ST7: variants seen among roughly 807,000 people sequenced by gnomAD.
The protein encoded by ST7 is suppression of tumorigenicity 7, also known as suppressor of tumorigenicity 7 protein.
A neutral mutation model predicts 78.7 loss-of-function variants in ST7; 28 were observed. That is an observed-to-expected ratio of 0.36 (90% CI 0.26 to 0.49). The LOEUF (loss-of-function observed/expected upper bound fraction) is 0.49. ST7 is among the 20% of genes least tolerant of loss of function. The pLI is 0.99. For synonymous variants in ST7, 247 were observed against 249.6 expected (o/e 0.99, Z 0.10); for missense variants, 418 against 696.0 (o/e 0.60, Z 4.49).
chr7:116,987,708 TCACCC>T (rs1794246871), intron 1 of ST7, among the ~76,000 whole-genome samples: 6 of 152,340 alleles, frequency 3.9e-5, no homozygotes, highest in African/African-American at 1.4e-4. Context: ...GTACCAGAAA[TCACCC>T]ACTGTGAATA....
At chr7:117,198,755 G>T (rs951850857) in intron 12 of ST7, among the ~76,000 whole-genome samples, 5 of 152,030 alleles carry the variant, frequency 3.3e-5, no homozygotes, top group Non-Finnish European at 7.4e-5. Context: ...AGGCCTGAAA[G>T]CCTGTCCTAG....
At chr7:116,954,118 C>G (rs1486424916) in intron 1 of ST7, 2 of 151,928 alleles carry the variant, frequency 1.3e-5, no homozygotes, top group African/African-American at 2.4e-5. Flanking sequence ...CTGTGGGTGC[C>G]AAGCGGCCGA....
At chr7:116,972,186 C>T (rs190569999) in intron 1 of ST7, 12 of 555,362 alleles carry the variant, frequency 2.2e-5, no homozygotes, top group Non-Finnish European at 3.5e-5. Context: ...TCAGGTCAAG[C>T]AGAGTCTGGA....
intron 1 of ST7, among the ~76,000 whole-genome samples, chr7:117,088,439 A>G (rs1250982248): frequency 1.3e-5 from 2 of 152,210 alleles, no homozygotes; most frequent in African/African-American, 4.8e-5. Context: ...ATGTTTTAGA[A>G]TATAGATGTT....
intron 2 of ST7, among the ~76,000 whole-genome samples, chr7:117,113,073 C>A (rs1191992267): frequency 1.3e-5 from 2 of 152,204 alleles, no homozygotes; most frequent in Non-Finnish European, 2.9e-5. Flanking sequence ...AGGGACAAAA[C>A]TGCCATTTTG....
Position 117,087,068 on chromosome 7 carries a change from C to T in ST7, c.152-12694C>T, listed in dbSNP as rs191378760. Reference sequence around the variant, plus strand: ...GGCCTTCTTTTGCGGGGCAGATTTTCCTCAGAAGAGAAGTACATTAGTCAT... The same window carrying T: ...GGCCTTCTTTTGCGGGGCAGATTTTTCTCAGAAGAGAAGTACATTAGTCAT... On this transcript the variant is annotated intron_variant, in intron 1 of 15. Coordinates refer to ENST00000323984, the MANE Select transcript of ST7 (RefSeq NM_001369598.1). Among the ~76,000 whole-genome samples the T allele has an allele frequency of 3.3e-3, 497 of 152,172 alleles. 2 individuals carry two copies. The highest frequency in any genetic ancestry group is 5.3e-3 in the Non-Finnish European group (360 of 68,004).
At chr7:117,082,041 G>T (rs1038137487) in intron 1 of ST7, among the ~76,000 whole-genome samples, 1 of 152,190 alleles carries the variant, frequency 6.6e-6, no homozygotes, top group Non-Finnish European at 1.5e-5. Context: ...CTGCAGGTCA[G>T]ATTTCTTTAT....
chr7:117,019,818 A>G (rs1208309866), intron 1 of ST7, among the ~76,000 whole-genome samples: 1 of 152,222 alleles, frequency 6.6e-6, no homozygotes, highest in African/African-American at 2.4e-5. Context: ...CTGTCAATCT[A>G]CCATAAGCTT....
intron 1 of ST7, chr7:117,081,151 G>T (rs961279819): frequency 2.6e-5 from 4 of 151,884 alleles, no homozygotes; most frequent in Non-Finnish European, 4.4e-5. Context: ...ATATAAAAGG[G>T]TATTACCTCA....
At chr7:117,001,259 A>T (rs1010795744) in intron 1 of ST7, among the ~76,000 whole-genome samples, 10 of 152,228 alleles carry the variant, frequency 6.6e-5, no homozygotes, top group Non-Finnish European at 1.3e-4. Context: ...AGACAAATTA[A>T]ACTACTTGTA....
At chr7:117,013,204 G>T (rs1475259191) in intron 1 of ST7, among the ~76,000 whole-genome samples, 1 of 152,158 alleles carries the variant, frequency 6.6e-6, no homozygotes, top group East Asian at 1.9e-4. Flanking sequence ...GTAAATGTAG[G>T]TAGTTATTAT....
chr7:117,100,545 GT>G (rs201131686), intron 2 of ST7, among the ~76,000 whole-genome samples: 16 of 151,514 alleles, frequency 1.1e-4, no homozygotes, highest in Admixed American at 2.0e-4. Context: ...ATATAGCTTA[GT>G]TTTTTTTTAA....
At chr7:117,125,671 C>G (rs1022689274) in intron 3 of ST7, among the ~76,000 whole-genome samples, 1 of 152,008 alleles carries the variant, frequency 6.6e-6, no homozygotes, top group Non-Finnish European at 1.5e-5. Flanking sequence ...AATCACTTGT[C>G]AGAAATTGAC....
chr7:117,045,867 G>T (rs1459639104), intron 1 of ST7, among the ~76,000 whole-genome samples: 1 of 152,152 alleles, frequency 6.6e-6, no homozygotes, highest in Non-Finnish European at 1.5e-5. Context: ...GTTTTTAATG[G>T]ATTCTGCTTT....
chr7:117,207,489 C>G (rs1267686604), intron 12 of ST7, among the ~76,000 whole-genome samples: 1 of 152,186 alleles, frequency 6.6e-6, no homozygotes, highest in Non-Finnish European at 1.5e-5. Context: ...ACCAGGCCCA[C>G]TTCTTCTCAG....
At chr7:117,229,635 T>C in intron 15 of ST7, 127 bp from the exon 16 acceptor site, 1 of 746,650 alleles carries the variant, frequency 1.3e-6, no homozygotes, top group South Asian at 1.7e-5. Context: ...AACATAAAGA[T>C]GAAATGGTTG....
In ST7 at chr7:117,222,060, G is replaced by T; in HGVS notation, c.1636G>T (p.Ala546Ser). 1 of 1,606,944 alleles carries T rather than the reference G, an allele frequency of 6.2e-7. No individual in the cohort carries two copies. The highest frequency in any genetic ancestry group is 1.3e-5 in the African/African-American group (1 of 74,502). The change falls in exon 15 of 16, where the codon GCT becomes TCT. Residue 546 changes from alanine to serine, a missense_variant and splice_region_variant. Ala to Ser is a moderately conservative substitution (Grantham distance 99). Transcript: ENST00000323984. ...GGAACTTATGGGGGTCTTCGCAAAA[G>T]CTGTGAGTGTTTGCCTAGAGGGAGG... is the stretch of plus-strand genomic sequence containing the variant. ...FPELMGVFAK[A>S]FLSTLFAPLN...
intron 9 of ST7, among the ~76,000 whole-genome samples, chr7:117,165,050 T>C (rs1332245734): frequency 6.6e-6 from 1 of 152,100 alleles, no homozygotes; most frequent in Non-Finnish European, 1.5e-5. Flanking sequence ...TGAAAACAGT[T>C]TGAGCAGAAA....
At chr7:117,133,692 A>G (rs931817632) in intron 6 of ST7, among the ~76,000 whole-genome samples, 3 of 151,398 alleles carry the variant, frequency 2.0e-5, no homozygotes, top group African/African-American at 4.9e-5. Flanking sequence ...TATTATTATT[A>G]TTGTTATTTT....
Sources: allele counts gnomAD v4.1 joint callset (sites outside exome capture counted in the v4.1 genomes callset), GRCh38; gene constraint gnomAD v4.1.1; transcripts MANE v1.5; gene names NCBI Gene and HGNC (gene_info 2026-07-23, HGNC 2026-07-21).